Variants in ADSL observed in about 807,000 individuals in gnomAD.
ADSL encodes the protein adenylosuccinate lyase, also known as adenylosuccinase.
A neutral mutation model predicts 62.1 loss-of-function variants in ADSL; 44 were observed. The ratio of observed to expected loss-of-function variants is 0.71; its 90% CI spans 0.56 to 0.91. The LOEUF is 0.91. Among genes scored for constraint, ADSL ranks in the 40% least tolerant of loss-of-function variants. The probability of loss-of-function intolerance (pLI) is 0.00; values close to 1 mark genes in which losing one functional copy is unlikely to be tolerated. For synonymous variants in ADSL, 198 were observed against 220.5 expected, an observed-to-expected ratio of 0.90 and a Z score of 0.90; for missense variants, 531 against 627.4, an observed-to-expected ratio of 0.85 and a Z score of 1.64.
intron 2 of ADSL, among the ~76,000 whole-genome samples, chr22:40,383,763 T>C (rs1053854122): frequency 6.6e-6 from 1 of 152,158 alleles, no homozygotes; most frequent in Non-Finnish European, 1.5e-5. Context: ...TCAGGGGATA[T>C]TAACCTACTC....
rs138195140 is a variant in ADSL at position 40,358,445 on chromosome 22, A to G, written c.483-419A>G. 7.4e-4 allele frequency among the ~76,000 whole-genome samples: 113 copies of G among 152,262 alleles called. No individual in the cohort carries two copies. In the Middle Eastern group the frequency reaches 0.014, roughly 18 times the overall value. On this transcript the variant is annotated intron_variant, in intron 4 of 12. Coordinates refer to ENST00000623063, the MANE Select transcript of ADSL (RefSeq NM_000026.4). ...CAAAAAATTTAAAAATTAGCCAGGC[A>G]TGGTATTGCATGCCTGTGGTCCCAG... is the stretch of plus-strand genomic sequence containing the variant.
In ADSL at chr22:40,360,500, G is replaced by T. The variant is rs777198113; in HGVS notation, c.792+8G>T. On this transcript the variant is annotated splice_region_variant and intron_variant, in intron 7 of 12. Transcript: ENST00000623063. ...GGGGCATCAGTGCACAAGGTGAGTG[G>T]TGGCAGCATGTGGGGTGGGGACAGG... The T allele has an allele frequency of 2.5e-6, 4 of 1,609,444 alleles. No individual in the cohort carries two copies. The Admixed American group carries it at 6.7e-5, about 27-fold the overall frequency.
Position 40,361,554 on chromosome 22 carries a change from A to T in ADSL, c.929A>T (p.His310Leu). The change falls in exon 9 of 13, where the codon CAC becomes CTC. Residue 310 changes from histidine to leucine, a missense_variant. By Grantham distance (99) the His-to-Leu change is moderately conservative. Coordinates refer to ENST00000623063, the MANE Select transcript of ADSL (RefSeq NM_000026.4). ...GAACGTTGCTGCAGTCTTGCCCGCC[A>T]CCTGATGACCCTTGTCATGGACCCG... is the stretch of plus-strand genomic sequence containing the variant. ...RSERCCSLAR[H>L]LMTLVMDPLQ... 6.2e-7 allele frequency: 1 copy of T among 1,614,176 alleles called. No individual in the cohort carries two copies. The highest frequency in any genetic ancestry group is 8.5e-7 in the Non-Finnish European group (1 of 1,180,030).
chr22:40,350,714 G>C (rs2044314293), intron 2 of ADSL, among the ~76,000 whole-genome samples: 1 of 152,000 alleles, frequency 6.6e-6, no homozygotes, highest in African/African-American at 2.4e-5. Context: ...TGCCTCCCAG[G>C]TTCAATTGAT....
chr22:40,351,766 G>A (rs1299337423), intron 2 of ADSL, among the ~76,000 whole-genome samples: 1 of 152,082 alleles, frequency 6.6e-6, no homozygotes, highest in African/African-American at 2.4e-5. Context: ...GGAGTCTCCT[G>A]CCTCAGCCTT....
At chr22:40,371,743 C>T (rs545748848), downstream of ADSL, among the ~76,000 whole-genome samples, 3,107 of 151,994 alleles carry the variant, frequency 0.02, 118 homozygotes, top group African/African-American at 0.071. Context: ...CTTGCCCGGG[C>T]TGGAGTGCAA....
intron 10 of ADSL, 81 bp from the exon 11 acceptor site, chr22:40,364,195 A>G: frequency 1.8e-6 from 2 of 1,096,446 alleles, no homozygotes; most frequent in East Asian, 2.4e-5. Context: ...TGTGCTGTGC[A>G]TTTTGTTTGA....
intron 2 of ADSL, among the ~76,000 whole-genome samples, chr22:40,379,069 T>A (rs931917650): frequency 2.0e-5 from 3 of 152,230 alleles, no homozygotes; most frequent in Non-Finnish European, 4.4e-5. Flanking sequence ...TGGTTCTTCC[T>A]GCCTCATTTT....
intron 2 of ADSL, among the ~76,000 whole-genome samples, chr22:40,377,672 C>CA (rs964048754): frequency 6.0e-5 from 9 of 150,404 alleles, no homozygotes; most frequent in African/African-American, 2.0e-4. Context: ...CCTGTCTCTA[C>CA]AAAAAAAAAC....
chr22:40,357,185 C>G (rs918770664), intron 4 of ADSL, among the ~76,000 whole-genome samples: 1 of 151,168 alleles, frequency 6.6e-6, no homozygotes, highest in Admixed American at 6.6e-5. Flanking sequence ...CGTGAGACAC[C>G]GCACCTGGCC....
chr22:40,364,437 G>A (rs942730399), intron 11 of ADSL, 72 bp downstream of exon 11: 1 of 1,323,334 alleles, frequency 7.6e-7, no homozygotes, highest in African/African-American at 1.4e-5. Flanking sequence ...CCGTGAAGGA[G>A]AGCAGATGAA....
chr22:40,350,179 G>A, intron 2 of ADSL, 144 bp downstream of exon 2: 1 of 752,366 alleles, frequency 1.3e-6, no homozygotes, highest in Non-Finnish European at 2.1e-6. Context: ...TCCCAGACTG[G>A]AGTGCAGTGG....
In ADSL at chr22:40,361,532, C is replaced by T. The variant is rs373458753; in HGVS notation, c.907C>T (p.Arg303Cys). The T allele has an allele frequency of 1.1e-5, 18 of 1,614,088 alleles. No individual in the cohort carries two copies. Among genetic ancestry groups the T allele is most frequent in the African/African-American group, 6.7e-5 (5 of 74,936 alleles). The change falls in exon 9 of 13, where the codon CGT becomes TGT. Residue 303 changes from arginine (R) to cysteine (C), a missense_variant. Around this residue, in one of 2 missense-constraint regions of ADSL, gnomAD observed 471 missense variants for 592.9 expected, o/e 0.79. Transcript: ENST00000623063. ...PYKRNPMRSERCCSLARHLMT... is the reference protein window; with the variant it reads ...PYKRNPMRSECCCSLARHLMT... The stretch of plus-strand genomic sequence containing the variant: ...TAAGCGGAATCCCATGCGTTCAGAA[C>T]GTTGCTGCAGTCTTGCCCGCCACCT...
intron 2 of ADSL, among the ~76,000 whole-genome samples, chr22:40,383,808 C>T (rs1322375198): frequency 2.0e-5 from 3 of 152,110 alleles, no homozygotes; most frequent in African/African-American, 7.2e-5. Context: ...AATCTGGAGA[C>T]ACAGAAATCT....
chr22:40,381,174 G>T (rs1005461443), intron 2 of ADSL, among the ~76,000 whole-genome samples: 1 of 151,602 alleles, frequency 6.6e-6, no homozygotes, highest in African/African-American at 2.4e-5. Flanking sequence ...TTGAGACAGG[G>T]CCTCATTCTG....
At chr22:40,361,759 G>T in intron 9 of ADSL, 124 bp downstream of exon 9, 1 of 1,292,076 alleles carries the variant, frequency 7.7e-7, no homozygotes, top group South Asian at 1.2e-5. Context: ...CCAGAGTCTA[G>T]CAGGGAGGCA....
intron 12 of ADSL, among the ~76,000 whole-genome samples, chr22:40,365,744 G>A (rs145719242): frequency 4.7e-4 from 71 of 151,984 alleles, no homozygotes; most frequent in African/African-American, 1.5e-3. Flanking sequence ...GGTGGTGTGC[G>A]CCTGTAGTCT....
At chr22:40,350,194 G>A (rs1044734855) in intron 2 of ADSL, 159 bp downstream of exon 2, 1 of 673,434 alleles carries the variant, frequency 1.5e-6, no homozygotes. Flanking sequence ...CAGTGGCACG[G>A]CTCACTGCAA....
intron 12 of ADSL, among the ~76,000 whole-genome samples, chr22:40,365,844 G>C (rs1210057210): frequency 6.6e-6 from 1 of 151,898 alleles, no homozygotes; most frequent in Non-Finnish European, 1.5e-5. Context: ...CCTCTGGCTT[G>C]GGTGACAAAA....
Sources: allele counts gnomAD v4.1 joint callset (sites outside exome capture counted in the v4.1 genomes callset), GRCh38; gene constraint gnomAD v4.1.1; regional missense constraint gnomAD v4.1.1; transcripts MANE v1.5; gene names NCBI Gene and HGNC (gene_info 2026-07-23, HGNC 2026-07-21).